The following DLX3 variants were observed in gnomAD, a reference collection of about 807,000 sequenced individuals.
DLX3 encodes the protein distal-less homeobox 3.
In DLX3, 9 loss-of-function variants were observed where a neutral mutation model predicts 28.0. The observed-to-expected ratio is 0.32, with a 90% CI of 0.19 to 0.56. DLX3 has a LOEUF of 0.56. Among genes scored for constraint, DLX3 ranks in the 20% least tolerant of loss-of-function variants. DLX3 has a pLI of 0.91. For missense variants in DLX3, 313 were observed against 378.2 expected (o/e 0.83, Z 1.43); for synonymous variants, 154 against 167.9 (o/e 0.92, Z 0.64).
In DLX3 at chr17:49,990,321, A is replaced by C. The variant is rs1906042225; in HGVS notation, c.*1196T>G. The C allele has an allele frequency of 6.6e-6, 1 of 150,754 alleles. No homozygotes were observed. The highest frequency in any genetic ancestry group is 1.5e-5 in the Non-Finnish European group (1 of 67,822). 9.3% of individuals were successfully genotyped at this position (150,754 alleles called of 1,614,324 possible). On this transcript the variant is annotated 3_prime_UTR_variant, in exon 3 of 3. Transcript: ENST00000434704. ...AAAAAAAAACTTACTATATATTTAT[A>C]TATATAGCTACAGTCTTCTACCTCT...
chr17:49,992,171 C>T (rs1405005390), intron 2 of DLX3, among the ~76,000 whole-genome samples: 3 of 152,092 alleles, frequency 2.0e-5, no homozygotes, highest in Non-Finnish European at 2.9e-5. Flanking sequence ...TATTACCTGC[C>T]TCATAGGGTC....
Position 49,991,747 on chromosome 17 carries a change from A to T in DLX3, c.634T>A (p.Ser212Thr), listed in dbSNP as rs767857178. 1 of 1,613,960 alleles carries T rather than the reference A, an allele frequency of 6.2e-7. No individual in the cohort carries two copies. The highest frequency in any genetic ancestry group is 8.5e-7 in the Non-Finnish European group (1 of 1,179,974). ...SDSMACNSPP[S>T]PALWDTSSHS... ...GAAGAGGTGTCCCAGAGGGCGGGTGATGGTGGTGAGTTGCAGGCCATGGAA... is the reference window on the plus strand; with the variant it reads ...GAAGAGGTGTCCCAGAGGGCGGGTGTTGGTGGTGAGTTGCAGGCCATGGAA... The change falls in exon 3 of 3, where the codon TCA (serine) becomes ACA (threonine). Residue 212 changes from serine to threonine, a missense_variant. By Grantham distance (58) the Ser-to-Thr change is moderately conservative. Coordinates refer to ENST00000434704, the MANE Select transcript of DLX3 (RefSeq NM_005220.3).
chr17:49,994,504 G>A (rs1355940392), intron 1 of DLX3, among the ~76,000 whole-genome samples, 170 bp downstream of exon 1: 1 of 152,178 alleles, frequency 6.6e-6, no homozygotes, highest in East Asian at 1.9e-4. Context: ...TGCACACCCG[G>A]GGCTGGAAGG....
At chr17:49,993,635 G>C in intron 1 of DLX3, 45 bp from the exon 2 acceptor site, 1 of 1,599,096 alleles carries the variant, frequency 6.3e-7, no homozygotes, top group Non-Finnish European at 8.5e-7. Flanking sequence ...TTCAGCCTCG[G>C]CCTGCGACTC....
In DLX3 at chr17:49,994,772, C is replaced by A. The variant is rs368628839; in HGVS notation, c.227G>T (p.Gly76Val). ...CGACTTGGGCGAGTAAGCGCCCGTGCCTGCAAGCCCATTGAGATTGAATTG... is the reference window on the plus strand; with the variant it reads ...CGACTTGGGCGAGTAAGCGCCCGTGACTGCAAGCCCATTGAGATTGAATTG... ...HHQFNLNGLA[G>V]TGAYSPKSEY... is the part of the protein sequence containing the mutation. Residue 76 changes from glycine to valine, a missense_variant, in exon 1 of 3, where the codon GGC becomes GTC. Gly to Val is a moderately radical substitution (Grantham distance 109). Transcript: ENST00000434704. 8.1e-6 allele frequency: 13 copies of A among 1,614,096 alleles called. No individual in the cohort carries two copies. The African/African-American group carries it at 1.3e-4, about 17-fold the overall frequency.
chr17:49,995,119 G>T lies in DLX3; in HGVS notation c.-121C>A. ...TGTCCAGAAGGCGAAGGGAGGACCCGGCCGCGTCTGGGGGGAGGGGGAGGC... is the reference window on the plus strand; with the variant it reads ...TGTCCAGAAGGCGAAGGGAGGACCCTGCCGCGTCTGGGGGGAGGGGGAGGC... On this transcript the variant is annotated 5_prime_UTR_variant, in exon 1 of 3. Transcript: ENST00000434704. The T allele has an allele frequency of 7.8e-7, 1 of 1,281,064 alleles. No homozygotes were observed. The highest frequency in any genetic ancestry group is 1.1e-6 in the Non-Finnish European group (1 of 917,254). The allele number at this position is 1,281,064 out of a possible 1,614,324, so 79.4% of individuals were successfully genotyped here. A position where few individuals can be genotyped will look rare whatever the true frequency, so the allele number is the denominator to read the frequency against.
At chr17:49,993,817 C>CA (rs1906186831) in intron 1 of DLX3, 1 of 274,176 alleles carries the variant, frequency 3.6e-6, no homozygotes, top group Non-Finnish European at 6.5e-6. Flanking sequence ...CCGGCCGCCG[C>CA]AGCACTGTCC....
intron 1 of DLX3, 77 bp downstream of exon 1, chr17:49,994,597 G>T: frequency 2.0e-6 from 3 of 1,534,990 alleles, no homozygotes; most frequent in Non-Finnish European, 2.7e-6. Context: ...CTAGATTTTG[G>T]CTTCCAGTCC....
rs774826075 is a variant in DLX3, at chr17:49,991,306, G to C, written c.*211C>G. 1 of 566,904 alleles carries C rather than the reference G, an allele frequency of 1.8e-6. No homozygotes were observed. The highest frequency in any genetic ancestry group is 3.1e-6 in the Non-Finnish European group (1 of 323,432). The allele number at this position is 566,904 out of a possible 1,614,324, so 35.1% of individuals were successfully genotyped here. A position where few individuals can be genotyped will look rare whatever the true frequency, so the allele number is the denominator to read the frequency against. ...TCCCCACATCTGGAGGGGTACCCCA[G>C]TGTCTAGGCAGAGGGAGGGAGGTTC... On this transcript the variant is annotated 3_prime_UTR_variant, in exon 3 of 3. Coordinates refer to ENST00000434704, the MANE Select transcript of DLX3 (RefSeq NM_005220.3).
intron 2 of DLX3, among the ~76,000 whole-genome samples, chr17:49,992,386 C>G (rs1019244454): frequency 6.6e-6 from 1 of 152,128 alleles, no homozygotes; most frequent in African/African-American, 2.4e-5. Flanking sequence ...CGTTCCCACT[C>G]ACAGCCTCAC....
At chr17:49,993,663 C>T (rs1906180090) in intron 1 of DLX3, 73 bp from the exon 2 acceptor site, 3 of 1,524,204 alleles carry the variant, frequency 2.0e-6, no homozygotes, top group South Asian at 1.2e-5. Context: ...CCTCCAGGGC[C>T]CCGCCGGACG....
Position 49,991,551 on chromosome 17 carries a change from G to A in DLX3, c.830C>T (p.Pro277Leu). ...PQPATLHHAS[P>L]GPPPNPGAVY The stretch of plus-strand genomic sequence containing the variant: ...AGCCCCAGGGTTGGGCGGGGGCCCG[G>A]GAGAGGCATGGTGCAGGGTGGCTGG... Residue 277 changes from proline (P) to leucine (L), a missense_variant, in exon 3 of 3, where the codon CCC (proline) becomes CTC (leucine). This residue lies in a region of DLX3 where 120 missense variants were observed against 145.4 expected (regional missense o/e 0.83). Transcript: ENST00000434704. 1 of 1,610,370 alleles carries A rather than the reference G, an allele frequency of 6.2e-7. No individual in the cohort carries two copies. The highest frequency in any genetic ancestry group is 1.3e-5 in the African/African-American group (1 of 75,042).
In DLX3 at chr17:49,994,952, A is replaced by G; in HGVS notation, c.47T>C (p.Ile16Thr). ...DRKLSSILTD[I>T]SSSLSCHAGS... ...CGCATGGCAGCTAAGGGAGCTGGAG[A>G]TGTCGGTGAGGATGCTGCTGAGCTT... Residue 16 changes from isoleucine (I) to threonine (T), a missense_variant, in exon 1 of 3, where the codon ATC becomes ACC. Ile to Thr is a moderately conservative substitution (Grantham distance 89). This residue lies in a region of DLX3 where 183 missense variants were observed against 197.7 expected (regional missense o/e 0.93). Coordinates refer to ENST00000434704, the MANE Select transcript of DLX3 (RefSeq NM_005220.3). The G allele has an allele frequency of 6.2e-7, 1 of 1,613,586 alleles. No homozygotes were observed. The highest frequency in any genetic ancestry group is 8.5e-7 in the Non-Finnish European group (1 of 1,180,032).
chr17:49,994,243 C>T (rs1906201657), intron 1 of DLX3, among the ~76,000 whole-genome samples: 1 of 151,852 alleles, frequency 6.6e-6, no homozygotes, highest in African/African-American at 2.4e-5. Context: ...TCCGTGGGTC[C>T]TTCTCATTGC....
chr17:49,991,653 TAGCTGGGGGAGGCACTGTATGGG>T lies in DLX3; in HGVS notation c.705_727del (p.Tyr237GlyfsTer97), dbSNP rs1906094120. 9 of 1,613,616 alleles carry T rather than the reference TAGCTGGGGGAGGCACTGTATGGG, an allele frequency of 5.6e-6. No homozygotes were observed. The highest frequency in any genetic ancestry group is 7.6e-6 in the Non-Finnish European group (9 of 1,179,968). ...CCAGGAGTTGGTGGGGTCGTCCAGG[TAGCTGGGGGAGGCACTGTATGGG>T]AGCGGCGGGGGCAGCTGACTGCGGG... On this transcript the variant is annotated frameshift_variant, in exon 3 of 3. Transcript: ENST00000434704. LOFTEE classifies it high-confidence loss of function.
intron 1 of DLX3, 47 bp from the exon 2 acceptor site, chr17:49,993,637 C>T: frequency 6.3e-7 from 1 of 1,590,434 alleles, no homozygotes; most frequent in Non-Finnish European, 8.5e-7. Context: ...CAGCCTCGGC[C>T]TGCGACTCCT....
rs1049811099 is a variant in DLX3 at position 49,991,414 on chromosome 17, T to C, written c.*103A>G. 12 of 1,051,696 alleles carry C rather than the reference T, an allele frequency of 1.1e-5. No individual in the cohort carries two copies. Among genetic ancestry groups the C allele is most frequent in the Middle Eastern group, 2.1e-4 (1 of 4,738 alleles). 65.1% of individuals were successfully genotyped at this position (1,051,696 alleles called of 1,614,324 possible). A position where few individuals can be genotyped will look rare whatever the true frequency, so the allele number is the denominator to read the frequency against. ...AGGGGCAAGGGAGGGGGAAAGGGAG[T>C]TCCTTTTCCCTGTGCTCCTCGATGA... On this transcript the variant is annotated 3_prime_UTR_variant, in exon 3 of 3. Transcript: ENST00000434704.
At position 49,993,470 on chromosome 17, in the gene DLX3, T is replaced by C. The variant is rs1254261748; in HGVS notation, c.446A>G (p.Gln149Arg). 1.9e-6 allele frequency: 3 copies of C among 1,612,702 alleles called. No individual in the cohort carries two copies. The highest frequency in any genetic ancestry group is 2.7e-5 in the African/African-American group (2 of 75,026). The change falls in exon 2 of 3, where the codon CAG (glutamine) becomes CGG (arginine). Residue 149 changes from glutamine to arginine, a missense_variant. Gln to Arg is a conservative substitution (Grantham distance 43, BLOSUM62 1). Transcript: ENST00000434704. Reference protein sequence around the residue: ...YQLAALQRRFQKAQYLALPER... With the variant: ...YQLAALQRRFRKAQYLALPER... ...GGGCAGCGCCAGGTACTGGGCCTTC[T>C]GGAAGCGGCGCTGCAGGGCGGCCAG...
At position 49,990,491 on chromosome 17, in the gene DLX3, C is replaced by T. The variant is rs1287214144; in HGVS notation, c.*1026G>A. The T allele has an allele frequency of 6.6e-6, 1 of 152,492 alleles. No homozygotes were observed. Among genetic ancestry groups the T allele is most frequent in the Admixed American group, 6.6e-5 (1 of 15,266 alleles). 9.4% of individuals were successfully genotyped at this position (152,492 alleles called of 1,614,324 possible). Reference sequence around the variant, plus strand: ...CCAAAGGCACAAGTTCTAACTCTCCCCTCCTCTCCCATACACCTCACCCGA... The same window carrying T: ...CCAAAGGCACAAGTTCTAACTCTCCTCTCCTCTCCCATACACCTCACCCGA... On this transcript the variant is annotated 3_prime_UTR_variant, in exon 3 of 3. Transcript: ENST00000434704.
Sources: gnomAD v4.1 joint callset for allele counts (sites outside exome capture counted in the v4.1 genomes callset) on GRCh38, gnomAD v4.1.1 for gene constraint, gnomAD v4.1.1 regional missense constraint, MANE v1.5 for transcripts, NCBI Gene and HGNC (gene_info 2026-07-23, HGNC 2026-07-21) for gene names.